CCND3: variants seen among roughly 807,000 people sequenced by gnomAD.
The protein encoded by CCND3 is cyclin D3, also known as G1/S-specific cyclin-D3.
A neutral mutation model predicts 28.7 loss-of-function variants in CCND3; 9 were observed. The ratio of observed to expected loss-of-function variants is 0.31; its 90% CI spans 0.19 to 0.55. CCND3 has a LOEUF of 0.55. Among genes scored for constraint, CCND3 ranks in the 20% least tolerant of loss-of-function variants. CCND3 has a pLI of 0.93. For synonymous variants in CCND3, 164 were observed against 163.9 expected (o/e 1.00, Z 0.00); for missense variants, 315 against 385.8 (o/e 0.82, Z 1.54).
chr6:41,970,785 T>C (rs1458846974), intron 1 of CCND3, among the ~76,000 whole-genome samples: 1 of 152,200 alleles, frequency 6.6e-6, no homozygotes, highest in African/African-American at 2.4e-5. Context: ...ATGAATCAGA[T>C]GCAATTGAGA....
At chr6:42,016,635 G>C (rs1241487479) in intron 1 of CCND3, among the ~76,000 whole-genome samples, 1 of 144,296 alleles carries the variant, frequency 6.9e-6, no homozygotes, top group Admixed American at 7.4e-5. Context: ...GCCCAGGCTG[G>C]AGTGCACTGG....
chr6:42,024,659 G>A (rs949194922), intron 1 of CCND3, among the ~76,000 whole-genome samples: 5 of 152,086 alleles, frequency 3.3e-5, no homozygotes, highest in Admixed American at 6.5e-5. Context: ...GGTGGCTCAC[G>A]CTTGTAATTC....
chr6:41,964,298 ATGTGTGAATGTGTGTGAGTCTGTG>A lies in CCND3; in HGVS notation c.-45-23737_-45-23714del, dbSNP rs1402326611. Among the ~76,000 whole-genome samples, 3 of 150,262 alleles carry A rather than the reference ATGTGTGAATGTGTGTGAGTCTGTG, an allele frequency of 2.0e-5. No homozygotes were observed. In the East Asian group the frequency reaches 5.9e-4, roughly 30 times the overall value. ...CGTGTGTATGTGTGTGTGTGTGAGT[ATGTGTGAATGTGTGTGAGTCTGTG>A]TGTGTGAATGTGTGTGTGAATGTGT... is the stretch of plus-strand genomic sequence containing the variant. On this transcript the variant is annotated intron_variant, in intron 1 of 4. Coordinates refer to the CCND3 transcript ENST00000372988.
chr6:41,989,131 A>G (rs867111900), intron 1 of CCND3, among the ~76,000 whole-genome samples: 21 of 147,914 alleles, frequency 1.4e-4, no homozygotes, highest in Middle Eastern at 3.8e-3. Flanking sequence ...GTTATTCGCA[A>G]TATGCAAAAA....
intron 1 of CCND3, among the ~76,000 whole-genome samples, chr6:42,013,812 A>C (rs568928297): frequency 3.6e-4 from 55 of 151,446 alleles, no homozygotes; most frequent in African/African-American, 1.3e-3. Context: ...GGTGGCTCAC[A>C]CCTGTAATCC....
At chr6:42,037,244 TG>T (rs1475359182) in intron 1 of CCND3, among the ~76,000 whole-genome samples, 1 of 135,598 alleles carries the variant, frequency 7.4e-6, no homozygotes, top group Non-Finnish European at 1.5e-5. Flanking sequence ...CCGGCCGTTT[TG>T]TTTTTTTTTT....
chr6:42,026,841 G>A (rs1763889523), intron 1 of CCND3, among the ~76,000 whole-genome samples: 1 of 152,194 alleles, frequency 6.6e-6, no homozygotes, highest in Non-Finnish European at 1.5e-5. Flanking sequence ...GGACCCAGCA[G>A]CCATGGTGGG....
intron 1 of CCND3, among the ~76,000 whole-genome samples, chr6:41,970,841 C>T (rs1283877534): frequency 1.3e-5 from 2 of 152,116 alleles, no homozygotes; most frequent in Non-Finnish European, 2.9e-5. Flanking sequence ...TATTTGGTTA[C>T]CAGTTTTGTG....
chr6:41,968,801 GTGTTTGTT>G (rs147565343), intron 1 of CCND3, among the ~76,000 whole-genome samples: 1 of 151,868 alleles, frequency 6.6e-6, no homozygotes, highest in Non-Finnish European at 1.5e-5. Context: ...GTATTGGTTT[GTGTTTGTT>G]TGTTTGTTTG....
intron 1 of CCND3, among the ~76,000 whole-genome samples, chr6:42,036,069 C>T (rs559915801): frequency 4.7e-5 from 7 of 149,540 alleles, no homozygotes; most frequent in East Asian, 4.0e-4. Flanking sequence ...TAGCTTGCTG[C>T]GCAACCTCTG....
intron 1 of CCND3, among the ~76,000 whole-genome samples, chr6:41,985,414 A>G (rs966692808): frequency 4.0e-5 from 6 of 150,850 alleles, no homozygotes; most frequent in African/African-American, 1.5e-4. Flanking sequence ...CCCGGGTCCA[A>G]GAGATTCTCC....
chr6:41,959,991 G>A (rs1045279128), intron 1 of CCND3, among the ~76,000 whole-genome samples: 1 of 151,968 alleles, frequency 6.6e-6, no homozygotes, highest in Admixed American at 6.6e-5. Flanking sequence ...CAACATTTGT[G>A]GACATATGAA....
intron 1 of CCND3, among the ~76,000 whole-genome samples, chr6:41,964,195 C>T (rs1023110775): frequency 6.6e-6 from 1 of 152,176 alleles, no homozygotes; most frequent in Admixed American, 6.5e-5. Context: ...CAGAGATGCC[C>T]AAGAGGTATT....
chr6:41,989,955 C>T (rs1762602673), intron 1 of CCND3, among the ~76,000 whole-genome samples: 1 of 151,694 alleles, frequency 6.6e-6, no homozygotes, highest in South Asian at 2.1e-4. Context: ...GATACCAAAG[C>T]CAGAGCAATT....
intron 1 of CCND3, among the ~76,000 whole-genome samples, chr6:41,947,516 G>A (rs1468168844): frequency 6.6e-6 from 1 of 152,210 alleles, no homozygotes; most frequent in Non-Finnish European, 1.5e-5. Context: ...AACACTTGGT[G>A]TCATTCCTGA....
At chr6:41,987,807 AT>A (rs1762533053) in intron 1 of CCND3, among the ~76,000 whole-genome samples, 2 of 151,462 alleles carry the variant, frequency 1.3e-5, no homozygotes, top group East Asian at 1.9e-4. Context: ...AGGCCACGGA[AT>A]TTTTTTCTGA....
At chr6:41,950,921 G>T (rs910062636) in intron 1 of CCND3, among the ~76,000 whole-genome samples, 1 of 151,920 alleles carries the variant, frequency 6.6e-6, no homozygotes. Context: ...TGTTAGCCAG[G>T]ATGGTCTTGA....
At chr6:41,959,913 G>A (rs550449220) in intron 1 of CCND3, among the ~76,000 whole-genome samples, 14 of 146,836 alleles carry the variant, frequency 9.5e-5, no homozygotes, top group Admixed American at 8.3e-4. Context: ...CTGAGATCGC[G>A]ACACTGCACT....
At chr6:41,960,762 A>C (rs1030638802) in intron 1 of CCND3, among the ~76,000 whole-genome samples, 1 of 152,210 alleles carries the variant, frequency 6.6e-6, no homozygotes, top group Admixed American at 6.5e-5. Context: ...CAAGATTCAG[A>C]GAGCAAATTA....
Sources: gnomAD v4.1 joint callset for allele counts (sites outside exome capture counted in the v4.1 genomes callset) on GRCh38, gnomAD v4.1.1 for gene constraint, MANE v1.5 for transcripts, NCBI Gene and HGNC (gene_info 2026-07-23, HGNC 2026-07-21) for gene names.